The following TPTE variants were observed in gnomAD, a reference collection of about 807,000 sequenced individuals.
TPTE encodes the protein transmembrane phosphatase with tensin homology, also known as putative tyrosine-protein phosphatase TPTE.
TPTE carries 59 observed loss-of-function variants against 84.1 expected under a neutral mutation model. The ratio of observed to expected loss-of-function variants is 0.70; its 90% CI spans 0.57 to 0.87. The LOEUF (loss-of-function observed/expected upper bound fraction) is 0.87, where lower values mean the gene tolerates loss of function less well. Among genes scored for constraint, TPTE ranks in the 40% least tolerant of loss-of-function variants. The pLI is 0.00. For missense variants in TPTE, 382 were observed against 659.6 expected (o/e 0.58, Z 4.61); for synonymous variants, 130 against 223.5 (o/e 0.58, Z 3.73).
At chr21:10,567,632 G>A (rs1298781448) in intron 10 of TPTE, 38 bp from the exon 11 acceptor site, 2 of 1,605,998 alleles carry the variant, frequency 1.2e-6, no homozygotes, top group South Asian at 1.1e-5. Context: ...TCTTCTTGCA[G>A]GGGGGAATGA....
At chr21:10,575,943 G>T (rs1165167304) in intron 14 of TPTE, among the ~76,000 whole-genome samples, 1 of 152,310 alleles carries the variant, frequency 6.6e-6, no homozygotes, top group East Asian at 1.9e-4. Flanking sequence ...TAACATGCTG[G>T]GAAGGTTGCA....
intron 1 of TPTE, among the ~76,000 whole-genome samples, chr21:10,524,039 T>A (rs2074035769): frequency 6.6e-6 from 1 of 152,308 alleles, no homozygotes; most frequent in Admixed American, 6.5e-5. Context: ...GCCAAGCTCG[T>A]TCTATTCCCC....
chr21:10,577,894 A>AGCAG (rs2075191191), intron 15 of TPTE, among the ~76,000 whole-genome samples: 1 of 151,576 alleles, frequency 6.6e-6, no homozygotes, highest in African/African-American at 2.4e-5. Flanking sequence ...GCATGTGATG[A>AGCAG]GAGCAAGGCT....
Position 10,543,190 on chromosome 21 carries a change from C to T in TPTE, c.120-139C>T, listed in dbSNP as rs1395305093. ...GACTACAGGCGCCCGCCACCGCGCC[C>T]AGCTAATTTTTTTTTGTATTTTTAG... On this transcript the variant is annotated intron_variant, in intron 6 of 23. Coordinates refer to ENST00000618007, the MANE Select transcript of TPTE (RefSeq NM_199261.4). 1.5e-4 allele frequency: 181 copies of T among 1,200,058 alleles called. 3 individuals carry two copies. The highest frequency in any genetic ancestry group is 2.4e-4 in the African/African-American group (11 of 44,994). 74.3% of individuals were successfully genotyped at this position (1,200,058 alleles called of 1,614,324 possible). A position where few individuals can be genotyped will look rare whatever the true frequency, so the allele number is the denominator to read the frequency against.
chr21:10,587,870 G>GA (rs2075394949), intron 17 of TPTE, among the ~76,000 whole-genome samples: 1 of 152,278 alleles, frequency 6.6e-6, no homozygotes, highest in Non-Finnish European at 1.5e-5. Flanking sequence ...TTGTTTTTGA[G>GA]ATGGAGTCTT....
chr21:10,535,582 A>G (rs1213065026), intron 3 of TPTE, among the ~76,000 whole-genome samples: 6 of 152,416 alleles, frequency 3.9e-5, no homozygotes, highest in African/African-American at 1.2e-4. Context: ...ACTCTAAGTT[A>G]GTAGTATCCA....
intron 9 of TPTE, among the ~76,000 whole-genome samples, chr21:10,560,382 AC>A (rs2074773326): frequency 6.6e-6 from 1 of 152,310 alleles, no homozygotes; most frequent in Non-Finnish European, 1.5e-5. Context: ...TTAAAAAAGT[AC>A]TTCAAAGACT....
chr21:10,582,303 CCT>C (rs1368544224), intron 17 of TPTE, among the ~76,000 whole-genome samples: 59 of 152,270 alleles, frequency 3.9e-4, no homozygotes, highest in African/African-American at 1.4e-3. Flanking sequence ...ATTTGTAATC[CCT>C]CTCAGTAATA....
chr21:10,553,194 G>A (rs1389262051), intron 8 of TPTE, among the ~76,000 whole-genome samples: 1 of 152,310 alleles, frequency 6.6e-6, no homozygotes. Flanking sequence ...TCTCACTAGA[G>A]TACTTCCTGT....
intron 6 of TPTE, 151 bp from the exon 7 acceptor site, chr21:10,543,178 C>T (rs1362453024): frequency 7.7e-5 from 83 of 1,073,240 alleles, no homozygotes; most frequent in Non-Finnish European, 9.9e-5. Context: ...TACAGGCGCC[C>T]GCCACCGCGC....
In TPTE at chr21:10,541,131, G is replaced by A; in HGVS notation, c.31G>A (p.Ala11Thr). Residue 11 changes from alanine (A) to threonine (T), a missense_variant, in exon 5 of 24, where the codon GCG becomes ACG. Around this residue, in one of 10 missense-constraint regions of TPTE, gnomAD observed 63 missense variants for 49.5 expected, o/e 1.27. Transcript: ENST00000618007. Reference sequence around the variant, plus strand: ...CTTTAGTCCTGATCCGACTGACCTGGCGGGAGTCATCATTGAGCTCGGCCC... The same window carrying A: ...CTTTAGTCCTGATCCGACTGACCTGACGGGAGTCATCATTGAGCTCGGCCC... MNESPDPTDL[A>T]GVIIELGPND... is the part of the protein sequence containing the mutation. 6.2e-7 allele frequency: 1 copy of A among 1,613,350 alleles called. No homozygotes were observed. The highest frequency in any genetic ancestry group is 8.5e-7 in the Non-Finnish European group (1 of 1,179,340).
chr21:10,543,140 C>A (rs1274367861), intron 6 of TPTE, among the ~76,000 whole-genome samples, 189 bp from the exon 7 acceptor site: 3 of 138,584 alleles, frequency 2.2e-5, no homozygotes, highest in Non-Finnish European at 4.5e-5. Flanking sequence ...CGCCATTCTC[C>A]TGCCTCAGCC....
At chr21:10,571,777 G>A (rs2075048187) in intron 14 of TPTE, among the ~76,000 whole-genome samples, 1 of 152,426 alleles carries the variant, frequency 6.6e-6, no homozygotes, top group African/African-American at 2.4e-5. Context: ...AGAGGCCAAG[G>A]CAGTGGATTA....
chr21:10,537,677 CAAAAAA>C (rs58515233), intron 3 of TPTE, among the ~76,000 whole-genome samples: 1 of 109,788 alleles, frequency 9.1e-6, no homozygotes, highest in African/African-American at 2.8e-5. Context: ...GACTCCCCCT[CAAAAAA>C]AAAAAAAAAG....
At chr21:10,583,145 T>A (rs2075300070) in intron 17 of TPTE, among the ~76,000 whole-genome samples, 1 of 152,310 alleles carries the variant, frequency 6.6e-6, no homozygotes, top group Non-Finnish European at 1.5e-5. Context: ...AATCTTGAAC[T>A]TTACTTGATA....
At chr21:10,588,566 C>T (rs866803341) in intron 17 of TPTE, among the ~76,000 whole-genome samples, 141 of 152,152 alleles carry the variant, frequency 9.3e-4, no homozygotes, top group African/African-American at 3.2e-3. Context: ...TAGCAAGATT[C>T]AAGAAATTTT....
chr21:10,540,632 A>G (rs1479893684), intron 4 of TPTE: 1 of 518,830 alleles, frequency 1.9e-6, no homozygotes, highest in Non-Finnish European at 3.9e-6. Flanking sequence ...CCGTTATGTG[A>G]GGCTGACTGC....
chr21:10,560,599 T>C (rs1347534302), intron 9 of TPTE, among the ~76,000 whole-genome samples: 1 of 152,306 alleles, frequency 6.6e-6, no homozygotes, highest in Non-Finnish European at 1.5e-5. Context: ...CTTATGTTAC[T>C]CATGCTTTCA....
intron 8 of TPTE, among the ~76,000 whole-genome samples, chr21:10,557,409 T>A (rs1232459964): frequency 6.6e-6 from 1 of 152,308 alleles, no homozygotes; most frequent in Admixed American, 6.5e-5. Context: ...ATTAAGGGGC[T>A]AAAGCCACCC....
Sources: gnomAD v4.1 joint callset for allele counts (sites outside exome capture counted in the v4.1 genomes callset) on GRCh38, gnomAD v4.1.1 for gene constraint, gnomAD v4.1.1 regional missense constraint, MANE v1.5 for transcripts, NCBI Gene and HGNC (gene_info 2026-07-23, HGNC 2026-07-21) for gene names.